ZMYND11: variants seen among roughly 807,000 people sequenced by gnomAD.
ZMYND11 encodes zinc finger MYND-type containing 11.
Under a neutral mutation model 84.9 loss-of-function variants are expected in ZMYND11, and 9 were observed. That is an observed-to-expected ratio of 0.11 (90% CI 0.06 to 0.18). ZMYND11 has a LOEUF of 0.18. Among genes scored for constraint, ZMYND11 ranks in the 10% least tolerant of loss-of-function variants. The pLI is 1.00. For synonymous variants in ZMYND11, 250 were observed against 244.1 expected (o/e 1.02, Z -0.23); for missense variants, 409 against 761.0 (o/e 0.54, Z 5.44).
chr10:228,319 CTA>C (rs1277416413), intron 4 of ZMYND11, among the ~76,000 whole-genome samples: 4 of 152,074 alleles, frequency 2.6e-5, no homozygotes, highest in African/African-American at 9.7e-5. Flanking sequence ...CCTTTGTGAT[CTA>C]TGTTTTGGTG....
chr10:163,960 G>T (rs782741707), intron 1 of ZMYND11, among the ~76,000 whole-genome samples: 1 of 152,142 alleles, frequency 6.6e-6, no homozygotes. Flanking sequence ...CTCCAGAAAG[G>T]TATTGTTTGG....
rs1411852693 is a variant in ZMYND11 at position 211,085 on chromosome 10, A to G, written c.276+1037A>G. Reference sequence around the variant, plus strand: ...CACATGCCTGTAGTACCAGATACCCAGGAGGCTGAGGTAGGAGGATCACTT... The same window carrying G: ...CACATGCCTGTAGTACCAGATACCCGGGAGGCTGAGGTAGGAGGATCACTT... On this transcript the variant is annotated intron_variant, in intron 3 of 14. Transcript: ENST00000381604. Among the ~76,000 whole-genome samples the G allele has an allele frequency of 2.6e-5, 4 of 151,818 alleles. No individual in the cohort carries two copies. In the East Asian group the frequency reaches 7.7e-4, roughly 29 times the overall value.
intron 1 of ZMYND11, among the ~76,000 whole-genome samples, chr10:163,520 C>T (rs147355368): frequency 1.3e-5 from 2 of 152,036 alleles, no homozygotes; most frequent in African/African-American, 4.8e-5. Context: ...GAATTTGTTA[C>T]TCCTCATATT....
rs528980328 is a variant in ZMYND11, at chr10:241,889, CGTAT to C, written c.832-129_832-126del. 42 of 1,121,236 alleles carry C rather than the reference CGTAT, an allele frequency of 3.7e-5. No homozygotes were observed. In the East Asian group the frequency reaches 8.4e-4, roughly 23 times the overall value. The allele number at this position is 1,121,236 out of a possible 1,614,324, so 69.5% of individuals were successfully genotyped here. On this transcript the variant is annotated intron_variant, in intron 9 of 14. Coordinates refer to ENST00000381604, the MANE Select transcript of ZMYND11 (RefSeq NM_001370100.5). ...TCAGTCAATCCCAGAAAAAAAATCTCGTATGTGTTTAGGAGTTATGAAAGAAATA... is the reference window on the plus strand; with the variant it reads ...TCAGTCAATCCCAGAAAAAAAATCTCGTGTTTAGGAGTTATGAAAGAAATA...
At chr10:155,076 G>A (rs1333784063) in intron 1 of ZMYND11, 1 of 152,046 alleles carries the variant, frequency 6.6e-6, no homozygotes, top group Non-Finnish European at 1.5e-5. Context: ...TTTGGCTTTT[G>A]GCTTTGGCTT....
chr10:234,025 A>G (rs1471927449), intron 4 of ZMYND11, among the ~76,000 whole-genome samples: 1 of 152,260 alleles, frequency 6.6e-6, no homozygotes, highest in Non-Finnish European at 1.5e-5. Context: ...AATTACATGA[A>G]CAAGTGTTAC....
At chr10:144,766 A>G (rs1198730683) in intron 1 of ZMYND11, among the ~76,000 whole-genome samples, 2 of 146,486 alleles carry the variant, frequency 1.4e-5, no homozygotes, top group Non-Finnish European at 3.0e-5. Context: ...TACACATTTC[A>G]TTAGCTTTGG....
chr10:180,769 A>T (rs1241468088), intron 2 of ZMYND11, among the ~76,000 whole-genome samples: 2 of 152,208 alleles, frequency 1.3e-5, no homozygotes, highest in African/African-American at 4.8e-5. Context: ...AAAACAGTCT[A>T]CTGTTTATTA....
At chr10:157,218 G>A (rs573269110) in intron 1 of ZMYND11, among the ~76,000 whole-genome samples, 1 of 151,618 alleles carries the variant, frequency 6.6e-6, no homozygotes, top group African/African-American at 2.4e-5. Flanking sequence ...TTTATTTTTG[G>A]AGACAGAGTC....
At chr10:151,188 C>T (rs1554756909) in intron 1 of ZMYND11, among the ~76,000 whole-genome samples, 1 of 152,198 alleles carries the variant, frequency 6.6e-6, no homozygotes, top group African/African-American at 2.4e-5. Flanking sequence ...ACGCAGTCCT[C>T]ACCAGCGACA....
chr10:230,492 A>C (rs1207948961), intron 4 of ZMYND11, among the ~76,000 whole-genome samples: 1 of 150,918 alleles, frequency 6.6e-6, no homozygotes, highest in East Asian at 1.9e-4. Flanking sequence ...AAAAAAAAAA[A>C]AAAAAAAAAC....
intron 1 of ZMYND11, among the ~76,000 whole-genome samples, chr10:149,529 C>G (rs1358576189): frequency 6.6e-6 from 1 of 151,914 alleles, no homozygotes; most frequent in Non-Finnish European, 1.5e-5. Context: ...CCAGGATGGT[C>G]TCGATCTCCT....
At chr10:239,137 G>C (rs1950477128) in intron 6 of ZMYND11, among the ~76,000 whole-genome samples, 1 of 152,196 alleles carries the variant, frequency 6.6e-6, no homozygotes, top group Non-Finnish European at 1.5e-5. Flanking sequence ...ACCAAGCTTA[G>C]CAGCAGCTTT....
intron 6 of ZMYND11, among the ~76,000 whole-genome samples, chr10:238,790 C>T (rs1950412293): frequency 6.6e-6 from 1 of 152,126 alleles, no homozygotes; most frequent in Non-Finnish European, 1.5e-5. Context: ...TTACCTCCTA[C>T]CCCCAGCCAT....
chr10:161,836 A>T (rs1312325707), intron 1 of ZMYND11, among the ~76,000 whole-genome samples: 1 of 152,178 alleles, frequency 6.6e-6, no homozygotes, highest in East Asian at 1.9e-4. Flanking sequence ...CTGGTGTTCT[A>T]TTCAGACCAC....
At chr10:198,298 A>G (rs1942281939) in intron 2 of ZMYND11, among the ~76,000 whole-genome samples, 1 of 152,166 alleles carries the variant, frequency 6.6e-6, no homozygotes, top group Admixed American at 6.5e-5. Flanking sequence ...ACCAGTTTAA[A>G]TATGGTCACT....
At chr10:224,016 G>T (rs1176298932) in intron 4 of ZMYND11, among the ~76,000 whole-genome samples, 1 of 151,976 alleles carries the variant, frequency 6.6e-6, no homozygotes, top group Non-Finnish European at 1.5e-5. Context: ...TGAAGATAAG[G>T]TGCCATAGCC....
At position 201,537 on chromosome 10, in the gene ZMYND11, T is replaced by C. The variant is rs139074431; in HGVS notation, c.117-8352T>C. 1.0e-3 allele frequency among the ~76,000 whole-genome samples: 155 copies of C among 150,662 alleles called. 1 individual carries two copies. In the East Asian group the frequency reaches 0.026, roughly 25 times the overall value. On this transcript the variant is annotated intron_variant, in intron 2 of 14. Transcript: ENST00000381604. ...TCAGGAAATTATGACTCATGAGATTTCTTACTTTTGTAAAAATGTTAAATA... is the reference window on the plus strand; with the variant it reads ...TCAGGAAATTATGACTCATGAGATTCCTTACTTTTGTAAAAATGTTAAATA...
chr10:246,608 A>C (rs974234606), intron 10 of ZMYND11, among the ~76,000 whole-genome samples, 158 bp from the exon 11 acceptor site: 1 of 152,210 alleles, frequency 6.6e-6, no homozygotes, highest in African/African-American at 2.4e-5. Flanking sequence ...CGCAATTAAA[A>C]GTAACGGCAG....
Sources: gnomAD v4.1 joint callset for allele counts (sites outside exome capture counted in the v4.1 genomes callset) on GRCh38, gnomAD v4.1.1 for gene constraint, MANE v1.5 for transcripts, NCBI Gene and HGNC (gene_info 2026-07-23, HGNC 2026-07-21) for gene names.